The following PLXDC2 variants were observed in gnomAD, a reference collection of about 807,000 sequenced individuals.
PLXDC2 encodes the protein plexin domain-containing protein 2.
In PLXDC2, 40 loss-of-function variants were observed where a neutral mutation model predicts 68.9. That is an observed-to-expected ratio of 0.58 (90% CI 0.45 to 0.76). PLXDC2 has a LOEUF of 0.76. Among genes scored for constraint, PLXDC2 ranks in the 30% least tolerant of loss-of-function variants. The pLI is 0.00. For synonymous variants in PLXDC2, 243 were observed against 234.2 expected, an observed-to-expected ratio of 1.04 and a Z score of -0.34; for missense variants, 644 against 661.9, an observed-to-expected ratio of 0.97 and a Z score of 0.30.
intron 1 of PLXDC2, among the ~76,000 whole-genome samples, chr10:19,838,366 A>C (rs1836838909): frequency 6.6e-6 from 1 of 152,222 alleles, no homozygotes; most frequent in African/African-American, 2.4e-5. Flanking sequence ...GACTGAAAAC[A>C]ACTCAAGCTT....
intron 12 of PLXDC2, among the ~76,000 whole-genome samples, chr10:20,228,622 G>A (rs1490063645): frequency 6.7e-6 from 1 of 150,276 alleles, no homozygotes; most frequent in Admixed American, 6.7e-5. Flanking sequence ...AGGAAAGAAG[G>A]AAGGAAGGGC....
intron 4 of PLXDC2, among the ~76,000 whole-genome samples, chr10:20,134,857 G>A (rs1833914428): frequency 1.3e-5 from 2 of 152,178 alleles, no homozygotes; most frequent in South Asian, 4.1e-4. Context: ...CTATGAGCCT[G>A]CCTGAAGGGG....
In PLXDC2 at chr10:20,122,166, T is replaced by TA. The variant is rs1195290277; in HGVS notation, c.542-21125dup. On this transcript the variant is annotated intron_variant, in intron 4 of 13. Coordinates refer to ENST00000377252, the MANE Select transcript of PLXDC2 (RefSeq NM_032812.9). Reference sequence around the variant, plus strand: ...AGGGAACTGGGCAGGTGGGGATAACTAAAAGGAATGCTTAAAAGAGTATTG... The same window carrying TA: ...AGGGAACTGGGCAGGTGGGGATAACTAAAAAGGAATGCTTAAAAGAGTATTG... 3.3e-5 allele frequency among the ~76,000 whole-genome samples: 5 copies of TA among 152,034 alleles called. No homozygotes were observed. In the South Asian group the frequency reaches 8.3e-4, roughly 25 times the overall value.
Position 20,143,437 on chromosome 10 carries a change from T to A in PLXDC2, c.664+20T>A. Reference sequence around the variant, plus strand: ...ATAATGGTATGTGTTGAGTAGCCTATTTTTTGCTGCATGTATATTTTTAAA... The same window carrying A: ...ATAATGGTATGTGTTGAGTAGCCTAATTTTTGCTGCATGTATATTTTTAAA... On this transcript the variant is annotated intron_variant, in intron 5 of 13. Transcript: ENST00000377252. 2 of 1,610,108 alleles carry A rather than the reference T, an allele frequency of 1.2e-6. No homozygotes were observed. Among genetic ancestry groups the A allele is most frequent in the Non-Finnish European group, 1.7e-6 (2 of 1,178,134 alleles).
intron 13 of PLXDC2, among the ~76,000 whole-genome samples, chr10:20,271,336 A>C (rs1204979802): frequency 6.6e-6 from 1 of 152,190 alleles, no homozygotes; most frequent in African/African-American, 2.4e-5. Context: ...GGGAGCAGGC[A>C]CTGAGGGTGA....
At chr10:19,875,371 A>G (rs871008) in intron 1 of PLXDC2, among the ~76,000 whole-genome samples, 6,803 of 152,308 alleles carry the variant, frequency 0.045, 194 homozygotes, top group Middle Eastern at 0.12. Context: ...ATAGAATGCT[A>G]TGGTTTTTAT....
At chr10:20,142,531 G>C (rs187385413) in intron 4 of PLXDC2, among the ~76,000 whole-genome samples, 1 of 152,144 alleles carries the variant, frequency 6.6e-6, no homozygotes, top group African/African-American at 2.4e-5. Context: ...ATTGAAAGTG[G>C]GTTAGACATG....
In PLXDC2 at chr10:20,236,398, T is replaced by C. The variant is rs556772184; in HGVS notation, c.1313-8947T>C. On this transcript the variant is annotated intron_variant, in intron 12 of 13. Transcript: ENST00000377252. ...AGGTGGAGGTTGCAGTGAGCCGAGATCACACCACTGCACTCCAGCCTGGGC... is the reference window on the plus strand; with the variant it reads ...AGGTGGAGGTTGCAGTGAGCCGAGACCACACCACTGCACTCCAGCCTGGGC... 5.9e-5 allele frequency among the ~76,000 whole-genome samples: 9 copies of C among 151,754 alleles called. No homozygotes were observed. In the South Asian group the frequency reaches 1.9e-3, roughly 32 times the overall value.
chr10:19,947,474 T>C (rs1462177025), intron 1 of PLXDC2, among the ~76,000 whole-genome samples: 1 of 152,234 alleles, frequency 6.6e-6, no homozygotes, highest in Non-Finnish European at 1.5e-5. Flanking sequence ...TTCCTTTTCC[T>C]GCTCACTGAT....
intron 9 of PLXDC2, among the ~76,000 whole-genome samples, chr10:20,193,354 A>G (rs756604614): frequency 2.0e-5 from 3 of 152,100 alleles, no homozygotes; most frequent in Non-Finnish European, 4.4e-5. Flanking sequence ...GTTTGAAAAA[A>G]ATATTGACTA....
chr10:20,089,370 A>T (rs1445028181), intron 4 of PLXDC2, among the ~76,000 whole-genome samples: 1 of 152,052 alleles, frequency 6.6e-6, no homozygotes, highest in Non-Finnish European at 1.5e-5. Flanking sequence ...GAAGCTGGGG[A>T]AGGGAATTGC....
intron 1 of PLXDC2, among the ~76,000 whole-genome samples, chr10:19,850,605 C>G (rs10827890): frequency 0.38 from 57,498 of 151,968 alleles, 11,358 homozygotes; most frequent in East Asian, 0.55. Context: ...ACTTACACAC[C>G]CATACTAAGA....
chr10:19,918,861 G>T (rs545190414), intron 1 of PLXDC2, among the ~76,000 whole-genome samples: 1 of 152,156 alleles, frequency 6.6e-6, no homozygotes, highest in African/African-American at 2.4e-5. Context: ...TTTCTCAATC[G>T]TTAAGAAGTT....
In PLXDC2 at chr10:20,002,083, T is replaced by C. The variant is rs1241244684; in HGVS notation, c.324+97T>C. 14 of 1,247,462 alleles carry C rather than the reference T, an allele frequency of 1.1e-5. No individual in the cohort carries two copies. In the Admixed American group the frequency reaches 3.0e-4, roughly 26 times the overall value. 77.3% of individuals were successfully genotyped at this position (1,247,462 alleles called of 1,614,324 possible). ...GACATAAGTTGTCTCTTCATCTCAATCTAGAAATTTTGGATTTCTTTTAAA... is the reference window on the plus strand; with the variant it reads ...GACATAAGTTGTCTCTTCATCTCAACCTAGAAATTTTGGATTTCTTTTAAA... On this transcript the variant is annotated intron_variant, in intron 2 of 13. Transcript: ENST00000377252.
At chr10:20,024,600 T>G (rs1835366044) in intron 2 of PLXDC2, among the ~76,000 whole-genome samples, 1 of 152,174 alleles carries the variant, frequency 6.6e-6, no homozygotes, top group African/African-American at 2.4e-5. Flanking sequence ...AAAAAATAAT[T>G]TCTAATTTTA....
At chr10:19,921,944 G>C (rs369073574) in intron 1 of PLXDC2, among the ~76,000 whole-genome samples, 1 of 151,962 alleles carries the variant, frequency 6.6e-6, no homozygotes, top group Non-Finnish European at 1.5e-5. Flanking sequence ...TGTAACCTCC[G>C]TCTCCCGAGT....
At position 20,286,661 on chromosome 10, in the gene PLXDC2, A is replaced by C. The variant is rs1023040624; in HGVS notation, c.*6842A>C. 3.3e-5 allele frequency: 5 copies of C among 152,134 alleles called. No individual in the cohort carries two copies. Among genetic ancestry groups the C allele is most frequent in the Non-Finnish European group, 5.9e-5 (4 of 68,016 alleles). The allele number at this position is 152,134 out of a possible 1,614,324, so 9.4% of individuals were successfully genotyped here. A position where few individuals can be genotyped will look rare whatever the true frequency, so the allele number is the denominator to read the frequency against. ...AAAGTATAAACCTAAGAGTGAGTGA[A>C]TGGAGATGATTCATGGAAAAAAAAA... On this transcript the variant is annotated 3_prime_UTR_variant, in exon 14 of 14. Coordinates refer to ENST00000377252, the MANE Select transcript of PLXDC2 (RefSeq NM_032812.9).
At chr10:19,879,204 A>T (rs1837685471) in intron 1 of PLXDC2, among the ~76,000 whole-genome samples, 1 of 152,196 alleles carries the variant, frequency 6.6e-6, no homozygotes, top group African/African-American at 2.4e-5. Flanking sequence ...GAAAACGACA[A>T]CTTCCAAAAT....
intron 6 of PLXDC2, among the ~76,000 whole-genome samples, chr10:20,155,196 T>A (rs1834202020): frequency 6.6e-6 from 1 of 152,212 alleles, no homozygotes; most frequent in Non-Finnish European, 1.5e-5. Flanking sequence ...CTTTGAAGAT[T>A]ATTTCTCTTA....
Sources: allele counts gnomAD v4.1 joint callset (sites outside exome capture counted in the v4.1 genomes callset), GRCh38; gene constraint gnomAD v4.1.1; transcripts MANE v1.5; gene names NCBI Gene and HGNC (gene_info 2026-07-23, HGNC 2026-07-21).